The following DNM3 variants were observed in gnomAD, a reference collection of about 807,000 sequenced individuals.
DNM3 encodes dynamin 3, also known as dynamin-3.
In DNM3, 47 loss-of-function variants were observed where a neutral mutation model predicts 101.6. That is an observed-to-expected ratio of 0.46 (90% confidence interval 0.37 to 0.59). The LOEUF is 0.59. Among genes scored for constraint, DNM3 ranks in the 20% least tolerant of loss-of-function variants. The probability of loss-of-function intolerance (pLI) is 0.00; values close to 1 mark genes in which losing one functional copy is unlikely to be tolerated. For missense variants in DNM3, 849 were observed against 1,085.7 expected (o/e 0.78, Z 3.06); for synonymous variants, 385 against 387.9 (o/e 0.99, Z 0.09).
At chr1:172,316,516 T>C (rs532664799) in intron 16 of DNM3, among the ~76,000 whole-genome samples, 43 of 152,054 alleles carry the variant, frequency 2.8e-4, no homozygotes, top group Middle Eastern at 3.4e-3. Context: ...GAGACACACA[T>C]AGGCTCAAAA....
chr1:172,109,095 C>T (rs945262968), intron 13 of DNM3, among the ~76,000 whole-genome samples: 7 of 152,078 alleles, frequency 4.6e-5, no homozygotes, highest in African/African-American at 1.2e-4. Context: ...ATTTGAGTCT[C>T]AATTGACTTT....
At chr1:172,344,658 C>T (rs1347348732) in intron 17 of DNM3, among the ~76,000 whole-genome samples, 1 of 152,154 alleles carries the variant, frequency 6.6e-6, no homozygotes, top group South Asian at 2.1e-4. Context: ...GATTTGGAGC[C>T]GAACTGATGG....
intron 1 of DNM3, among the ~76,000 whole-genome samples, chr1:171,843,346 T>C (rs1397543711): frequency 6.6e-6 from 1 of 152,156 alleles, no homozygotes; most frequent in African/African-American, 2.4e-5. Flanking sequence ...AGACTTTTGG[T>C]GAAGTGATGG....
chr1:171,875,293 A>G (rs140468641), intron 1 of DNM3, among the ~76,000 whole-genome samples: 2,179 of 152,328 alleles, frequency 0.014, 60 homozygotes, highest in African/African-American at 0.048. Flanking sequence ...CCAACAGTGT[A>G]TAAGCCTTCC....
At chr1:171,880,229 C>T (rs909721506) in intron 1 of DNM3, among the ~76,000 whole-genome samples, 3 of 152,036 alleles carry the variant, frequency 2.0e-5, no homozygotes, top group African/African-American at 7.3e-5. Flanking sequence ...CAGATGTAAA[C>T]CTTGTATATT....
chr1:172,082,736 A>G (rs866868432), intron 12 of DNM3, among the ~76,000 whole-genome samples: 13 of 152,246 alleles, frequency 8.5e-5, no homozygotes, highest in Admixed American at 2.0e-4. Flanking sequence ...ATTTTATTAC[A>G]TTCTGACTTA....
intron 14 of DNM3, among the ~76,000 whole-genome samples, chr1:172,188,881 A>AT (rs2059611676): frequency 6.6e-6 from 1 of 151,830 alleles, no homozygotes; most frequent in Non-Finnish European, 1.5e-5. Flanking sequence ...GGCCCAACTT[A>AT]TTTTTTTCTT....
chr1:171,959,591 C>T (rs925159124), intron 2 of DNM3, among the ~76,000 whole-genome samples: 8 of 151,868 alleles, frequency 5.3e-5, no homozygotes, highest in East Asian at 1.9e-4. Flanking sequence ...AAAATTGCCC[C>T]GGAAGAATTA....
At chr1:172,395,239 C>T (rs949419447) in intron 20 of DNM3, among the ~76,000 whole-genome samples, 10 of 149,992 alleles carry the variant, frequency 6.7e-5, no homozygotes, top group Admixed American at 4.7e-4. Context: ...GGCGTGGTCT[C>T]GGCTCACTGC....
chr1:172,342,268 A>G (rs1184230308), intron 17 of DNM3, among the ~76,000 whole-genome samples: 3 of 152,176 alleles, frequency 2.0e-5, no homozygotes, highest in Non-Finnish European at 4.4e-5. Flanking sequence ...TACAGGCCCA[A>G]AGGAATATAA....
intron 14 of DNM3, among the ~76,000 whole-genome samples, chr1:172,177,304 G>A (rs2059187289): frequency 6.6e-6 from 1 of 151,552 alleles, no homozygotes; most frequent in African/African-American, 2.4e-5. Context: ...TTGTATTATA[G>A]TATATTGTTA....
rs1573477909 is a variant in DNM3 at position 172,325,886 on chromosome 1, G to A, written c.1893+2546G>A. 2.0e-5 allele frequency among the ~76,000 whole-genome samples: 3 copies of A among 152,138 alleles called. No homozygotes were observed. In the South Asian group the frequency reaches 6.2e-4, roughly 32 times the overall value. On this transcript the variant is annotated intron_variant, in intron 17 of 20. Transcript: ENST00000627582. The stretch of plus-strand genomic sequence containing the variant: ...GCAAATGAAGTCTGCCCAAATTAAT[G>A]TTTCCTTAGATGAGCAGGACAGATT...
At chr1:171,983,324 G>A (rs941795318) in intron 2 of DNM3, among the ~76,000 whole-genome samples, 1 of 115,964 alleles carries the variant, frequency 8.6e-6, no homozygotes, top group African/African-American at 4.2e-5. Flanking sequence ...AGATGTGGTG[G>A]CACACTGCCT....
At chr1:171,878,910 G>A (rs1285949501) in intron 1 of DNM3, among the ~76,000 whole-genome samples, 1 of 151,994 alleles carries the variant, frequency 6.6e-6, no homozygotes, top group Non-Finnish European at 1.5e-5. Context: ...TGATCCATCT[G>A]ATTAGATCCT....
intron 14 of DNM3, chr1:172,138,263 A>T (rs1222231804): frequency 6.6e-6 from 1 of 150,872 alleles, no homozygotes; most frequent in Non-Finnish European, 1.5e-5. Context: ...GTTAACCCAG[A>T]CTGGCAGAGT....
intron 15 of DNM3, among the ~76,000 whole-genome samples, chr1:172,278,877 C>CT (rs1200925564): frequency 9.2e-5 from 14 of 152,140 alleles, no homozygotes; most frequent in Non-Finnish European, 1.9e-4. Flanking sequence ...CTGGTAGTTT[C>CT]TATTATCACT....
Position 172,408,294 on chromosome 1 carries a change from C to G in DNM3, c.*453C>G. ...CTGTTGTCTACCATTAATGCTACTA[C>G]CTACTCCATAATTGCCTATTTAGCT... On this transcript the variant is annotated 3_prime_UTR_variant, in exon 21 of 21. Transcript: ENST00000627582. 1.0e-6 allele frequency: 1 copy of G among 987,950 alleles called. No individual in the cohort carries two copies. The highest frequency in any genetic ancestry group is 1.1e-4 in the East Asian group (1 of 8,944). The allele number at this position is 987,950 out of a possible 1,614,324, so 61.2% of individuals were successfully genotyped here.
At chr1:172,063,472 C>T (rs538177970) in intron 10 of DNM3, among the ~76,000 whole-genome samples, 2 of 151,782 alleles carry the variant, frequency 1.3e-5, no homozygotes, top group East Asian at 3.9e-4. Flanking sequence ...ACACTTACAA[C>T]ATTGGACCTT....
intron 15 of DNM3, among the ~76,000 whole-genome samples, chr1:172,275,863 T>C (rs2063265838): frequency 6.6e-6 from 1 of 152,130 alleles, no homozygotes; most frequent in Non-Finnish European, 1.5e-5. Flanking sequence ...GTTTAACTTG[T>C]CAAAAATTAA....
Sources: gnomAD v4.1 joint callset for allele counts (sites outside exome capture counted in the v4.1 genomes callset) on GRCh38, gnomAD v4.1.1 for gene constraint, MANE v1.5 for transcripts, NCBI Gene and HGNC (gene_info 2026-07-23, HGNC 2026-07-21) for gene names.